COLEC11: variants seen among roughly 807,000 people sequenced by gnomAD.
COLEC11 encodes the protein collectin-11.
A neutral mutation model predicts 27.3 loss-of-function variants in COLEC11; 20 were observed. That is an observed-to-expected ratio of 0.73 (90% CI 0.51 to 1.06). The LOEUF (loss-of-function observed/expected upper bound fraction) is 1.06. COLEC11 is among the 50% of genes least tolerant of loss of function. COLEC11 has a pLI of 0.00. For missense variants in COLEC11, 310 were observed against 383.0 expected, an observed-to-expected ratio of 0.81 and a Z score of 1.59; for synonymous variants, 163 against 154.7, an observed-to-expected ratio of 1.05 and a Z score of -0.40.
At chr2:3,623,807 C>A (rs531288835) in intron 3 of COLEC11, among the ~76,000 whole-genome samples, 12 of 152,282 alleles carry the variant, frequency 7.9e-5, no homozygotes, top group African/African-American at 2.6e-4. Context: ...ATTTGTAGAT[C>A]TCCATTTCTT....
rs574758082 is a variant in COLEC11 at position 3,636,472 on chromosome 2, C to A, written c.203-1061C>A. 2.0e-5 allele frequency among the ~76,000 whole-genome samples: 3 copies of A among 152,326 alleles called. No individual in the cohort carries two copies. In the South Asian group the frequency reaches 6.2e-4, roughly 32 times the overall value. On this transcript the variant is annotated intron_variant, in intron 3 of 6. Transcript: ENST00000349077. ...TCCATCTCAAAAAAGGAAAGTCCTT[C>A]CCACCACCCACTGTCTTGCAGGATT...
intron 1 of COLEC11, among the ~76,000 whole-genome samples, chr2:3,595,492 G>A (rs558090364): frequency 7.6e-4 from 116 of 152,296 alleles, no homozygotes; most frequent in African/African-American, 2.5e-3. Flanking sequence ...AACAGTCTTC[G>A]CTAATTCCAA....
intron 3 of COLEC11, 38 bp downstream of exon 3, chr2:3,613,420 G>T (rs1382578234): frequency 1.3e-5 from 21 of 1,557,474 alleles, no homozygotes; most frequent in Non-Finnish European, 1.6e-5. Context: ...GAGCTCTGAG[G>T]ATGGAGGCAC....
chr2:3,625,821 C>T (rs1018072601), intron 3 of COLEC11, among the ~76,000 whole-genome samples: 1 of 151,862 alleles, frequency 6.6e-6, no homozygotes, highest in African/African-American at 2.4e-5. Context: ...TTAGTGGAGA[C>T]GGGGTTTCAC....
rs143604916 is a variant in COLEC11, at chr2:3,641,717, G to T, written c.328+1386G>T. On this transcript the variant is annotated intron_variant, in intron 5 of 6. Transcript: ENST00000349077. ...AGTTTCAAATGTGCAAGTGTGAGTG[G>T]AGGGGGGGTGTCTCACGTATGAGGG... 2.6e-3 allele frequency among the ~76,000 whole-genome samples: 391 copies of T among 152,324 alleles called. 3 individuals are homozygous for T. The highest frequency in any genetic ancestry group is 9.1e-3 in the African/African-American group (377 of 41,574).
At chr2:3,631,407 A>T (rs987859527) in intron 3 of COLEC11, among the ~76,000 whole-genome samples, 6 of 152,140 alleles carry the variant, frequency 3.9e-5, no homozygotes, top group African/African-American at 1.4e-4. Flanking sequence ...TCTGCCTACT[A>T]TCAGGGTGTT....
chr2:3,608,319 G>A (rs1435285480), intron 2 of COLEC11, among the ~76,000 whole-genome samples: 1 of 152,216 alleles, frequency 6.6e-6, no homozygotes, highest in Non-Finnish European at 1.5e-5. Flanking sequence ...TCCTGGTAGA[G>A]AAATAACTTG....
chr2:3,635,182 T>C (rs552442025), intron 3 of COLEC11, among the ~76,000 whole-genome samples: 46 of 139,442 alleles, frequency 3.3e-4, no homozygotes, highest in Non-Finnish European at 6.3e-4. Flanking sequence ...CAGAGCTGTG[T>C]CTCCCTGCGC....
intron 1 of COLEC11, among the ~76,000 whole-genome samples, chr2:3,597,072 G>C (rs994654635): frequency 1.3e-5 from 2 of 152,372 alleles, no homozygotes; most frequent in Admixed American, 6.5e-5. Flanking sequence ...GCGAGTGAAG[G>C]CATGAGAAAT....
chr2:3,632,466 C>T (rs749979694), intron 3 of COLEC11, among the ~76,000 whole-genome samples: 6 of 152,182 alleles, frequency 3.9e-5, no homozygotes, highest in Middle Eastern at 3.2e-3. Flanking sequence ...GGCTTACAGG[C>T]GGTGTCTTCC....
At chr2:3,612,621 G>A (rs541226681) in intron 2 of COLEC11, among the ~76,000 whole-genome samples, 214 of 152,280 alleles carry the variant, frequency 1.4e-3, no homozygotes, top group African/African-American at 5.0e-3. Context: ...GGATTAGAGT[G>A]GGGGGAGAAG....
intron 1 of COLEC11, chr2:3,603,424 C>T: frequency 1.9e-6 from 1 of 539,718 alleles, no homozygotes; most frequent in South Asian, 2.0e-5. Flanking sequence ...TCAAGCAGTT[C>T]TCCTGCCTCA....
chr2:3,629,409 G>A (rs1314415376), intron 3 of COLEC11, among the ~76,000 whole-genome samples: 5 of 152,214 alleles, frequency 3.3e-5, no homozygotes, highest in Non-Finnish European at 1.5e-5. Context: ...TGCTTCTGGG[G>A]TTCTCAGTTT....
At chr2:3,634,023 C>T (rs1162724745) in intron 3 of COLEC11, among the ~76,000 whole-genome samples, 1 of 152,212 alleles carries the variant, frequency 6.6e-6, no homozygotes, top group Non-Finnish European at 1.5e-5. Context: ...CGGTGAGGGA[C>T]ACCTGCCCTC....
chr2:3,643,836 C>G lies in COLEC11; in HGVS notation c.534C>G (p.Ser178Arg), dbSNP rs1444942273. 1.9e-6 allele frequency: 3 copies of G among 1,613,556 alleles called. No homozygotes were observed. Among genetic ancestry groups the G allele is most frequent in the South Asian group, 1.1e-5 (1 of 91,078 alleles). Reference protein sequence around the residue: ...LSCQGRGGTLSMPKDEAANGL... With the variant: ...LSCQGRGGTLRMPKDEAANGL... ...GCCAGGGCCGCGGGGGCACGCTGAG[C>G]ATGCCCAAGGACGAGGCTGCCAATG... Residue 178 changes from serine to arginine, a missense_variant, in exon 7 of 7, where the codon AGC becomes AGG. By Grantham distance (110) the Ser-to-Arg change is moderately radical. Coordinates refer to ENST00000349077, the MANE Select transcript of COLEC11 (RefSeq NM_024027.5).
intron 3 of COLEC11, among the ~76,000 whole-genome samples, chr2:3,623,951 C>T (rs902939523): frequency 3.3e-5 from 5 of 152,098 alleles, no homozygotes; most frequent in Non-Finnish European, 7.4e-5. Context: ...TCTTTATGGA[C>T]TTTTTTTGGG....
intron 3 of COLEC11, among the ~76,000 whole-genome samples, chr2:3,628,862 C>T (rs558158184): frequency 3.1e-4 from 47 of 152,350 alleles, no homozygotes; most frequent in Non-Finnish European, 5.3e-4. Context: ...ATGGGAGGCG[C>T]AGCACTGCTC....
At chr2:3,606,189 C>T (rs1662680288) in intron 2 of COLEC11, 2 of 1,550,320 alleles carry the variant, frequency 1.3e-6, no homozygotes, top group Non-Finnish European at 1.7e-6. Flanking sequence ...ACGTCCCTGC[C>T]CAATGTGGTG....
chr2:3,617,713 C>T (rs1034056476), intron 3 of COLEC11: 57 of 1,573,416 alleles, frequency 3.6e-5, no homozygotes, highest in Non-Finnish European at 4.5e-5. Flanking sequence ...GCGAGGCGTG[C>T]GAGAACGAGA....
Sources: gnomAD v4.1 joint callset for allele counts (sites outside exome capture counted in the v4.1 genomes callset) on GRCh38, gnomAD v4.1.1 for gene constraint, MANE v1.5 for transcripts, NCBI Gene and HGNC (gene_info 2026-07-23, HGNC 2026-07-21) for gene names.